Variants in DGKB observed in about 807,000 individuals in gnomAD.
The protein encoded by DGKB is diacylglycerol kinase beta, also known as 90 kDa diacylglycerol kinase.
A neutral mutation model predicts 114.3 loss-of-function variants in DGKB; 67 were observed. That is an observed-to-expected ratio of 0.59 (90% CI 0.48 to 0.72). The LOEUF (loss-of-function observed/expected upper bound fraction) is 0.72. Among genes scored for constraint, DGKB ranks in the 30% least tolerant of loss-of-function variants. The pLI is 0.00. For synonymous variants in DGKB, 398 were observed against 323.1 expected, an observed-to-expected ratio of 1.23 and a Z score of -2.49; for missense variants, 907 against 975.2, an observed-to-expected ratio of 0.93 and a Z score of 0.93.
intron 14 of DGKB, among the ~76,000 whole-genome samples, chr7:14,624,549 G>T (rs1314830899): frequency 2.6e-5 from 4 of 151,990 alleles, no homozygotes; most frequent in Admixed American, 6.6e-5. Context: ...TTTACTTTTG[G>T]CCACACGTAT....
chr7:14,928,482 A>G (rs557872049), intron 1 of DGKB, among the ~76,000 whole-genome samples: 2 of 151,908 alleles, frequency 1.3e-5, no homozygotes, highest in East Asian at 3.8e-4. Context: ...ACAAATAAAT[A>G]CTTTTTCCCT....
At chr7:14,790,845 A>C (rs1430030336) in intron 2 of DGKB, among the ~76,000 whole-genome samples, 2 of 152,178 alleles carry the variant, frequency 1.3e-5, no homozygotes, top group Non-Finnish European at 2.9e-5. Flanking sequence ...TGCCAAAAAA[A>C]ATTCCTGGCA....
At chr7:14,295,948 C>A (rs571767430) in intron 23 of DGKB, among the ~76,000 whole-genome samples, 1 of 151,902 alleles carries the variant, frequency 6.6e-6, no homozygotes, top group South Asian at 2.1e-4. Context: ...TGAGTGAGAA[C>A]ATGCAGTGTT....
chr7:14,658,885 A>C (rs1816414938), intron 13 of DGKB, among the ~76,000 whole-genome samples: 1 of 151,802 alleles, frequency 6.6e-6, no homozygotes, highest in Admixed American at 6.6e-5. Flanking sequence ...TCTTGATGGT[A>C]TTTTTATTAA....
intron 21 of DGKB, among the ~76,000 whole-genome samples, chr7:14,359,522 A>C (rs1193056414): frequency 6.7e-6 from 1 of 149,708 alleles, no homozygotes; most frequent in East Asian, 2.0e-4. Flanking sequence ...CATCAGAGTG[A>C]ACAGGCAACC....
intron 1 of DGKB, among the ~76,000 whole-genome samples, chr7:14,910,778 ATAT>A (rs905069977): frequency 2.6e-5 from 4 of 152,160 alleles, no homozygotes; most frequent in Non-Finnish European, 4.4e-5. Flanking sequence ...AAAGAGACAA[ATAT>A]TATTTAAGAT....
In DGKB at chr7:14,431,583, T is replaced by G. The variant is rs145020975; in HGVS notation, c.1835+46578A>C. Among the ~76,000 whole-genome samples, 799 of 152,280 alleles carry G rather than the reference T, an allele frequency of 5.2e-3. 6 individuals carry two copies. The highest frequency in any genetic ancestry group is 0.018 in the African/African-American group (758 of 41,564). On this transcript the variant is annotated intron_variant, in intron 21 of 25. Coordinates refer to ENST00000402815, the MANE Select transcript of DGKB (RefSeq NM_001350709.2). ...AGTATCATCAAACAACACTGTTTAC[T>G]TTCTAAAGGCAATACTCTAGGTGCC... is the stretch of plus-strand genomic sequence containing the variant.
At chr7:14,677,905 C>T (rs574498170) in intron 12 of DGKB, among the ~76,000 whole-genome samples, 2 of 151,932 alleles carry the variant, frequency 1.3e-5, no homozygotes, top group African/African-American at 2.4e-5. Flanking sequence ...TACAAATGAA[C>T]AGAAAATTTC....
intron 20 of DGKB, among the ~76,000 whole-genome samples, chr7:14,569,613 T>C (rs116900807): frequency 9.7e-4 from 148 of 152,296 alleles, no homozygotes; most frequent in Non-Finnish European, 1.7e-3. Flanking sequence ...TTCATTCATC[T>C]ATTATTTCAT....
intron 21 of DGKB, among the ~76,000 whole-genome samples, chr7:14,458,683 T>C (rs1402004783): frequency 6.6e-6 from 1 of 152,188 alleles, no homozygotes; most frequent in Non-Finnish European, 1.5e-5. Flanking sequence ...ACTAAGCTTT[T>C]CCCACAGTCT....
chr7:14,958,982 T>A (rs1457622240), intron 1 of DGKB, among the ~76,000 whole-genome samples: 2 of 152,114 alleles, frequency 1.3e-5, no homozygotes, highest in East Asian at 1.9e-4. Context: ...CAAAGTTTTA[T>A]TCTGGAATTC....
At chr7:14,261,404 T>C (rs1356919901) in intron 23 of DGKB, among the ~76,000 whole-genome samples, 1 of 152,178 alleles carries the variant, frequency 6.6e-6, no homozygotes, top group Non-Finnish European at 1.5e-5. Context: ...GCATAGATCA[T>C]TCCAAGCAAA....
chr7:14,325,289 A>C (rs936409362), intron 23 of DGKB, among the ~76,000 whole-genome samples: 41 of 152,146 alleles, frequency 2.7e-4, no homozygotes, highest in Middle Eastern at 6.8e-3. Context: ...GTGGGGGGTC[A>C]TCATGGTGAT....
intron 1 of DGKB, among the ~76,000 whole-genome samples, chr7:14,919,286 A>G (rs1486195240): frequency 6.6e-6 from 1 of 152,162 alleles, no homozygotes; most frequent in East Asian, 1.9e-4. Context: ...TAGATATGGA[A>G]TACAACAGAG....
intron 23 of DGKB, among the ~76,000 whole-genome samples, chr7:14,213,320 G>T (rs1237418660): frequency 6.6e-6 from 1 of 152,048 alleles, no homozygotes; most frequent in Non-Finnish European, 1.5e-5. Context: ...ATTCAAGCAT[G>T]GCTCCTTATA....
intron 1 of DGKB, among the ~76,000 whole-genome samples, chr7:14,871,615 A>C (rs894157470): frequency 6.6e-6 from 1 of 152,148 alleles, no homozygotes; most frequent in African/African-American, 2.4e-5. Flanking sequence ...AGACTGACTG[A>C]GAAGAATTAG....
chr7:14,757,236 C>G (rs770886553), intron 3 of DGKB, among the ~76,000 whole-genome samples: 1 of 151,974 alleles, frequency 6.6e-6, no homozygotes, highest in Non-Finnish European at 1.5e-5. Context: ...GATTGAAATT[C>G]GTGGGTCATA....
intron 1 of DGKB, among the ~76,000 whole-genome samples, chr7:14,971,396 A>C (rs560097383): frequency 6.6e-6 from 1 of 152,318 alleles, no homozygotes; most frequent in East Asian, 1.9e-4. Context: ...GAATAATATT[A>C]ACAAAAAGCT....
intron 23 of DGKB, among the ~76,000 whole-genome samples, chr7:14,307,961 G>C (rs566232851): frequency 1.4e-5 from 2 of 140,556 alleles, no homozygotes; most frequent in South Asian, 2.2e-4. Context: ...ACAAATATCA[G>C]TAAGAACCTT....
Sources: allele counts gnomAD v4.1 joint callset (sites outside exome capture counted in the v4.1 genomes callset), GRCh38; gene constraint gnomAD v4.1.1; transcripts MANE v1.5; gene names NCBI Gene and HGNC (gene_info 2026-07-23, HGNC 2026-07-21).